LAMB1: variants seen among roughly 807,000 people sequenced by gnomAD.
LAMB1 encodes laminin subunit beta-1.
Under a neutral mutation model 222.3 loss-of-function variants are expected in LAMB1, and 121 were observed. The ratio of observed to expected loss-of-function variants is 0.54; its 90% CI spans 0.47 to 0.63. The LOEUF (loss-of-function observed/expected upper bound fraction) is 0.63. Among genes scored for constraint, LAMB1 ranks in the 30% least tolerant of loss-of-function variants. LAMB1 has a pLI of 0.00. For missense variants in LAMB1, 2,172 were observed against 2,240.8 expected, an observed-to-expected ratio of 0.97 and a Z score of 0.62; for synonymous variants, 794 against 807.2, an observed-to-expected ratio of 0.98 and a Z score of 0.28.
At chr7:107,988,810 G>A (rs1277473043) in intron 5 of LAMB1, among the ~76,000 whole-genome samples, 2 of 152,178 alleles carry the variant, frequency 1.3e-5, no homozygotes, top group African/African-American at 2.4e-5. Flanking sequence ...CAGCCATCCC[G>A]AACCAAGGAG....
intron 14 of LAMB1, among the ~76,000 whole-genome samples, chr7:107,963,384 A>G (rs1047014933): frequency 3.9e-5 from 6 of 152,206 alleles, no homozygotes; most frequent in Admixed American, 1.3e-4. Flanking sequence ...CGTTATAAGC[A>G]AGTCTAGGAA....
intron 26 of LAMB1, chr7:107,936,523 G>A (rs906458850): frequency 6.6e-6 from 1 of 152,256 alleles, no homozygotes; most frequent in African/African-American, 2.4e-5. Flanking sequence ...AATCCCCCAT[G>A]GATACCAAGG....
chr7:107,965,099 T>C (rs1432421798), intron 13 of LAMB1, among the ~76,000 whole-genome samples: 1 of 152,212 alleles, frequency 6.6e-6, no homozygotes, highest in Non-Finnish European at 1.5e-5. Context: ...ACAGAAGCCC[T>C]CAATCCCTCG....
At chr7:107,996,682 T>C (rs915369231) in intron 4 of LAMB1, among the ~76,000 whole-genome samples, 3 of 152,228 alleles carry the variant, frequency 2.0e-5, no homozygotes, top group African/African-American at 7.2e-5. Flanking sequence ...TTCTGGCATC[T>C]GGTCTCTTTT....
At chr7:107,975,978 C>T (rs1282787788) in intron 9 of LAMB1, 101 bp from the exon 10 acceptor site, 2 of 995,608 alleles carry the variant, frequency 2.0e-6, no homozygotes, top group Non-Finnish European at 2.9e-6. Flanking sequence ...GGACTAAGTT[C>T]AGACAAAATG....
chr7:107,948,019 G>A (rs1220106460), intron 24 of LAMB1, among the ~76,000 whole-genome samples: 3 of 118,716 alleles, frequency 2.5e-5, no homozygotes, highest in African/African-American at 6.7e-5. Flanking sequence ...GTCTTGCTCT[G>A]TCACCCAGGC....
intron 6 of LAMB1, 35 bp downstream of exon 6, chr7:107,986,140 T>A (rs748933011): frequency 6.2e-7 from 1 of 1,611,346 alleles, no homozygotes; most frequent in South Asian, 1.1e-5. Context: ...AAAGTAGATT[T>A]GCAAGTAGAA....
intron 24 of LAMB1, among the ~76,000 whole-genome samples, chr7:107,943,767 G>C (rs1362542245): frequency 6.6e-6 from 1 of 152,166 alleles, no homozygotes; most frequent in Non-Finnish European, 1.5e-5. Flanking sequence ...TACTTTCCCA[G>C]CTGTTTCTGC....
chr7:107,928,245 G>A (rs1024529446), intron 31 of LAMB1, among the ~76,000 whole-genome samples: 6 of 152,082 alleles, frequency 3.9e-5, no homozygotes, highest in African/African-American at 1.4e-4. Flanking sequence ...AGTTTTCCAT[G>A]CATTCTAAAC....
chr7:107,925,502 C>T (rs1036594361), intron 32 of LAMB1, among the ~76,000 whole-genome samples: 10 of 152,132 alleles, frequency 6.6e-5, no homozygotes, highest in Non-Finnish European at 1.3e-4. Flanking sequence ...TTCCAGGAAA[C>T]TGGTCCTTGG....
At chr7:107,937,353 G>T in intron 25 of LAMB1, 76 bp from the exon 26 acceptor site, 1 of 1,141,836 alleles carries the variant, frequency 8.8e-7, no homozygotes, top group Non-Finnish European at 1.3e-6. Flanking sequence ...TTTTCTACTA[G>T]TACTGTATCC....
At chr7:107,945,093 T>A (rs1255224578) in intron 24 of LAMB1, among the ~76,000 whole-genome samples, 2 of 152,206 alleles carry the variant, frequency 1.3e-5, no homozygotes, top group Admixed American at 1.3e-4. Flanking sequence ...TAGTATTTTT[T>A]AAATGAGATA....
intron 2 of LAMB1, chr7:108,002,231 G>A (rs1224363317): frequency 1.5e-6 from 2 of 1,335,202 alleles, no homozygotes; most frequent in South Asian, 1.2e-5. Context: ...GTGCGTGCAC[G>A]CGCGAGGGTC....
intron 12 of LAMB1, among the ~76,000 whole-genome samples, chr7:107,973,898 A>G (rs1184662410): frequency 1.3e-5 from 2 of 152,138 alleles, no homozygotes; most frequent in Non-Finnish European, 2.9e-5. Flanking sequence ...CACCTGCCTC[A>G]GCCTCCCAAA....
chr7:107,996,351 T>C (rs77185332), intron 4 of LAMB1, among the ~76,000 whole-genome samples: 1,858 of 152,244 alleles, frequency 0.012, 32 homozygotes, highest in East Asian at 0.04. Context: ...CATTCTTCTA[T>C]AGTGTATTTG....
At chr7:107,987,460 C>T (rs538685362) in intron 5 of LAMB1, among the ~76,000 whole-genome samples, 1 of 151,116 alleles carries the variant, frequency 6.6e-6, no homozygotes, top group South Asian at 2.1e-4. Flanking sequence ...ATTTTACTGC[C>T]AAGAAAAAAA....
At chr7:107,968,209 C>G (rs369323193) in intron 13 of LAMB1, among the ~76,000 whole-genome samples, 3 of 152,234 alleles carry the variant, frequency 2.0e-5, no homozygotes, top group Admixed American at 6.5e-5. Context: ...ACAGTGATAC[C>G]AATGATTTAT....
intron 14 of LAMB1, among the ~76,000 whole-genome samples, chr7:107,963,363 A>T (rs2033555103): frequency 6.6e-6 from 1 of 152,322 alleles, no homozygotes; most frequent in South Asian, 2.1e-4. Flanking sequence ...AAAAGAGAAC[A>T]TCCCACATGC....
At chr7:108,001,440 G>C (rs1237502025) in intron 3 of LAMB1, 118 bp downstream of exon 3, 3 of 1,171,282 alleles carry the variant, frequency 2.6e-6, no homozygotes, top group Admixed American at 5.8e-5. Context: ...GGGACTCCCC[G>C]GCTGGCTGCG....
Sources: gnomAD v4.1 joint callset for allele counts (sites outside exome capture counted in the v4.1 genomes callset) on GRCh38, gnomAD v4.1.1 for gene constraint, MANE v1.5 for transcripts, NCBI Gene and HGNC (gene_info 2026-07-23, HGNC 2026-07-21) for gene names.